Variants in SPAG17 observed in about 807,000 individuals in gnomAD.
SPAG17 encodes the protein sperm associated antigen 17.
Under a neutral mutation model 273.6 loss-of-function variants are expected in SPAG17, and 169 were observed. That is an observed-to-expected ratio of 0.62 (90% CI 0.55 to 0.70). The LOEUF (loss-of-function observed/expected upper bound fraction) is 0.70, where lower values mean the gene tolerates loss of function less well. Ranked by LOEUF, SPAG17 falls within the 30% of genes least tolerant of loss-of-function variation. The pLI is 0.00. For missense variants in SPAG17, 2,557 were observed against 2,627.8 expected (o/e 0.97, Z 0.59); for synonymous variants, 825 against 873.2 (o/e 0.94, Z 0.97).
intron 3 of SPAG17, among the ~76,000 whole-genome samples, chr1:118,147,696 G>T (rs888572168): frequency 1.3e-5 from 2 of 152,160 alleles, no homozygotes; most frequent in Admixed American, 6.5e-5. Context: ...GGTTTCAGGG[G>T]AAATTACACA....
At chr1:118,064,898 T>G (rs1478710320) in intron 18 of SPAG17, among the ~76,000 whole-genome samples, 1 of 151,732 alleles carries the variant, frequency 6.6e-6, no homozygotes, top group Non-Finnish European at 1.5e-5. Context: ...AAAAAACAAC[T>G]CAAAATCACA....
rs559400944 is a variant in SPAG17 at position 118,054,064 on chromosome 1, A to C, written c.2752T>G (p.Ser918Ala). The change falls in exon 20 of 49, where the codon TCA (serine) becomes GCA (alanine). Residue 918 changes from serine (S) to alanine (A), a missense_variant. By Grantham distance (99) the Ser-to-Ala change is moderately conservative. Coordinates refer to ENST00000336338, the MANE Select transcript of SPAG17 (RefSeq NM_206996.4). Reference protein sequence around the residue: ...SNKGISKTEISDQEKEKEKEK... With the variant: ...SNKGISKTEIADQEKEKEKEK... ...TTCTCTTTTTCTTTTTCTTGATCTG[A>C]TATCTCTGTTTTGCTGATTCCTTTG... 2 of 1,606,772 alleles carry C rather than the reference A, an allele frequency of 1.2e-6. No individual in the cohort carries two copies. Among genetic ancestry groups the C allele is most frequent in the African/African-American group, 1.3e-5 (1 of 74,812 alleles).
In SPAG17 at chr1:117,963,789, C is replaced by T. The variant is rs760448694; in HGVS notation, c.*10G>A. ...TTGACAATCAAATTCCCATTTATTACTTACTGTACCTAATGTGGAGAAACT... is the reference window on the plus strand; with the variant it reads ...TTGACAATCAAATTCCCATTTATTATTTACTGTACCTAATGTGGAGAAACT... On this transcript the variant is annotated intron_variant, in intron 48 of 48. Transcript: ENST00000336338. 7.5e-6 allele frequency: 12 copies of T among 1,600,376 alleles called. No homozygotes were observed. The South Asian group carries it at 1.3e-4, about 18-fold the overall frequency.
chr1:118,109,147 T>C (rs1656597547), intron 4 of SPAG17, among the ~76,000 whole-genome samples: 1 of 151,620 alleles, frequency 6.6e-6, no homozygotes, highest in South Asian at 2.1e-4. Flanking sequence ...TTCATCTTAT[T>C]CTTTTTTTTT....
chr1:117,955,491 G>C, intron 48 of SPAG17: 1 of 784,794 alleles, frequency 1.3e-6, no homozygotes, highest in Middle Eastern at 2.7e-4. Flanking sequence ...AGTTTTGATG[G>C]AAAATAATTT....
intron 1 of SPAG17, among the ~76,000 whole-genome samples, chr1:118,168,291 A>T (rs1660263820): frequency 6.6e-6 from 1 of 152,154 alleles, no homozygotes; most frequent in Admixed American, 6.5e-5. Flanking sequence ...ATAGGTTTTA[A>T]GGGAAAAGTT....
At chr1:118,077,680 G>C (rs1654217514) in intron 15 of SPAG17, among the ~76,000 whole-genome samples, 1 of 152,092 alleles carries the variant, frequency 6.6e-6, no homozygotes, top group Non-Finnish European at 1.5e-5. Flanking sequence ...AAGAACTCAG[G>C]TTAATTTATT....
intron 28 of SPAG17, among the ~76,000 whole-genome samples, chr1:118,020,679 C>A (rs1302408558): frequency 6.6e-6 from 1 of 151,876 alleles, no homozygotes; most frequent in East Asian, 1.9e-4. Flanking sequence ...ATTTAAACAT[C>A]CTTTTGCTAA....
At chr1:117,983,187 A>G (rs1440532088) in intron 42 of SPAG17, among the ~76,000 whole-genome samples, 1 of 152,234 alleles carries the variant, frequency 6.6e-6, no homozygotes, top group East Asian at 1.9e-4. Flanking sequence ...GAGCTTGTGC[A>G]GGGGAACTGC....
At chr1:118,088,999 C>T (rs910366353) in intron 10 of SPAG17, among the ~76,000 whole-genome samples, 1 of 152,002 alleles carries the variant, frequency 6.6e-6, no homozygotes, top group Admixed American at 6.6e-5. Context: ...CATACAGCAA[C>T]GAACAAGACT....
At chr1:117,969,417 A>G (rs1169119322) in intron 46 of SPAG17, among the ~76,000 whole-genome samples, 1 of 152,078 alleles carries the variant, frequency 6.6e-6, no homozygotes, top group Non-Finnish European at 1.5e-5. Context: ...TGTCTCTACT[A>G]AAAATACAAA....
At chr1:117,956,775 CAT>C (rs1316239313) in intron 48 of SPAG17, among the ~76,000 whole-genome samples, 2 of 152,018 alleles carry the variant, frequency 1.3e-5, no homozygotes, top group African/African-American at 4.8e-5. Context: ...AAAAGAATAT[CAT>C]ATGAAGATGG....
At position 118,115,292 on chromosome 1, in the gene SPAG17, C is replaced by T; in HGVS notation, c.447+18G>A. The T allele has an allele frequency of 6.2e-7, 1 of 1,610,972 alleles. No individual in the cohort carries two copies. The highest frequency in any genetic ancestry group is 8.5e-7 in the Non-Finnish European group (1 of 1,178,332). On this transcript the variant is annotated intron_variant, in intron 4 of 48. Transcript: ENST00000336338. ...CACCACTTGCCCTCTTTAGAAAACC[C>T]ACCAGATCGTACAGTACCTTCTTTT...
At chr1:118,177,395 AC>A (rs967593961) in intron 1 of SPAG17, among the ~76,000 whole-genome samples, 25 of 152,112 alleles carry the variant, frequency 1.6e-4, no homozygotes, top group African/African-American at 5.5e-4. Context: ...GGGGAAAACC[AC>A]CCCTATGATT....
At chr1:118,179,091 GAAAA>G (rs978632065) in intron 1 of SPAG17, among the ~76,000 whole-genome samples, 7 of 151,568 alleles carry the variant, frequency 4.6e-5, no homozygotes, top group Non-Finnish European at 7.4e-5. Flanking sequence ...CACAGAAATA[GAAAA>G]AAAATCCTAA....
chr1:117,983,255 G>A (rs1310510267), intron 42 of SPAG17, among the ~76,000 whole-genome samples: 1 of 152,148 alleles, frequency 6.6e-6, no homozygotes, highest in Non-Finnish European at 1.5e-5. Context: ...AACAGCACGG[G>A]AAAGACCTGC....
At chr1:118,090,599 ATGAGCCAGACACGG>A (rs1394919944) in intron 10 of SPAG17, among the ~76,000 whole-genome samples, 3 of 152,206 alleles carry the variant, frequency 2.0e-5, no homozygotes, top group Admixed American at 1.3e-4. Context: ...AATGACAGAG[ATGAGCCAGACACGG>A]TGGTTCATGA....
At chr1:118,065,753 G>T (rs1652893282) in intron 18 of SPAG17, among the ~76,000 whole-genome samples, 1 of 151,842 alleles carries the variant, frequency 6.6e-6, no homozygotes, top group Admixed American at 6.6e-5. Context: ...ATGACTTAAT[G>T]ACCATTGAGA....
rs572109066 is a variant in SPAG17 at position 118,151,386 on chromosome 1, G to A, written c.88-17C>T. 82 of 1,605,992 alleles carry A rather than the reference G, an allele frequency of 5.1e-5. No homozygotes were observed. In the African/African-American group the frequency reaches 6.9e-4, roughly 14 times the overall value. ...CCAATCGTTCTATTAAAAATCAGAC[G>A]GAATTAGATTTTAAATATTCCTGAA... On this transcript the variant is annotated splice_polypyrimidine_tract_variant and intron_variant, in intron 1 of 48. Transcript: ENST00000336338.
Sources: allele counts gnomAD v4.1 joint callset (sites outside exome capture counted in the v4.1 genomes callset), GRCh38; gene constraint gnomAD v4.1.1; transcripts MANE v1.5; gene names NCBI Gene and HGNC (gene_info 2026-07-23, HGNC 2026-07-21).